Variants in HIVEP3 observed in about 807,000 individuals in gnomAD.
HIVEP3 encodes HIVEP zinc finger 3.
HIVEP3 carries 49 observed loss-of-function variants against 152.8 expected under a neutral mutation model. The observed-to-expected ratio is 0.32, with a 90% confidence interval of 0.26 to 0.41. The LOEUF is 0.41. Among genes scored for constraint, HIVEP3 ranks in the 10% least tolerant of loss-of-function variants. HIVEP3 has a pLI of 1.00. For missense variants in HIVEP3, 2,790 were observed against 3,103.3 expected (o/e 0.90, Z 2.40); for synonymous variants, 1,269 against 1,289.0 (o/e 0.98, Z 0.33).
chr1:41,680,567 G>A (rs1646023463), intron 2 of HIVEP3, among the ~76,000 whole-genome samples: 1 of 152,202 alleles, frequency 6.6e-6, no homozygotes, highest in Non-Finnish European at 1.5e-5. Context: ...TGTCTTTTAT[G>A]CTGGTGCTGG....
At chr1:41,813,371 C>A (rs756365249) in intron 1 of HIVEP3, among the ~76,000 whole-genome samples, 10 of 152,246 alleles carry the variant, frequency 6.6e-5, no homozygotes, top group Admixed American at 3.9e-4. Context: ...ACAGTCCTAT[C>A]ATGGCAGCTG....
At chr1:41,564,038 A>C (rs1644124642) in intron 5 of HIVEP3, among the ~76,000 whole-genome samples, 2 of 152,202 alleles carry the variant, frequency 1.3e-5, no homozygotes, top group Admixed American at 1.3e-4. Flanking sequence ...CTCAAAATAC[A>C]AAAAATTAGC....
At chr1:41,935,101 A>ATAT (rs1487468846) in intron 1 of HIVEP3, among the ~76,000 whole-genome samples, 2 of 152,214 alleles carry the variant, frequency 1.3e-5, no homozygotes, top group African/African-American at 2.4e-5. Context: ...ACTACTCCAT[A>ATAT]TATTATTATT....
intron 1 of HIVEP3, among the ~76,000 whole-genome samples, chr1:41,986,995 G>T (rs553270528): frequency 1.3e-5 from 2 of 152,190 alleles, no homozygotes; most frequent in East Asian, 3.9e-4. Context: ...TCTGTATACT[G>T]TACTATACTG....
At chr1:41,839,877 C>T (rs576494262) in intron 1 of HIVEP3, among the ~76,000 whole-genome samples, 1 of 152,324 alleles carries the variant, frequency 6.6e-6, no homozygotes, top group South Asian at 2.1e-4. Flanking sequence ...CCCTCCTTCT[C>T]TTATTTTATT....
At chr1:41,801,389 C>T (rs1650293527) in intron 1 of HIVEP3, among the ~76,000 whole-genome samples, 1 of 152,156 alleles carries the variant, frequency 6.6e-6, no homozygotes, top group African/African-American at 2.4e-5. Flanking sequence ...CTCCCTCCTG[C>T]ACCCAGCCCT....
intron 2 of HIVEP3, among the ~76,000 whole-genome samples, chr1:41,676,798 T>C (rs547169259): frequency 2.6e-4 from 40 of 152,200 alleles, no homozygotes; most frequent in African/African-American, 9.1e-4. Flanking sequence ...CCAAACACAA[T>C]CGCGCAGTGA....
intron 2 of HIVEP3, among the ~76,000 whole-genome samples, chr1:41,681,089 G>GGTGTGTGTGTGTGTGTGTGTGT (rs35572259): frequency 4.9e-4 from 73 of 148,344 alleles, no homozygotes; most frequent in Non-Finnish European, 9.7e-4. Context: ...GCTAAGAACT[G>GGTGTGTGTGTGTGTGTGTGTGT]GTGTGTGTGT....
At chr1:41,888,901 G>A (rs143820269) in intron 1 of HIVEP3, among the ~76,000 whole-genome samples, 120 of 97,832 alleles carry the variant, frequency 1.2e-3, no homozygotes, top group Middle Eastern at 9.6e-3. Context: ...CCCCACACAC[G>A]TACACCATAT....
chr1:41,545,623 T>TCAC (rs1373457889), intron 5 of HIVEP3, among the ~76,000 whole-genome samples: 2 of 25,092 alleles, frequency 8.0e-5, no homozygotes, highest in Non-Finnish European at 1.7e-4. Flanking sequence ...ACCACTACCA[T>TCAC]CACCACCACC....
chr1:41,516,213 C>A (rs1170161032), intron 7 of HIVEP3, among the ~76,000 whole-genome samples: 6 of 13,686 alleles, frequency 4.4e-4, no homozygotes, highest in Non-Finnish European at 2.8e-3. Context: ...TCCAGGCCAA[C>A]GCTCCACAAA....
intron 2 of HIVEP3, among the ~76,000 whole-genome samples, chr1:41,684,914 T>C (rs900501748): frequency 1.3e-5 from 2 of 152,348 alleles, no homozygotes; most frequent in South Asian, 4.1e-4. Flanking sequence ...TTCTGTCTGA[T>C]TCCAGAGCCT....
intron 1 of HIVEP3, among the ~76,000 whole-genome samples, chr1:41,903,615 A>G (rs1644661411): frequency 6.6e-6 from 1 of 152,230 alleles, no homozygotes; most frequent in Admixed American, 6.5e-5. Context: ...AAAGAAATCA[A>G]AAAGCATCTG....
At chr1:41,618,645 G>C (rs1476706977) in intron 3 of HIVEP3, among the ~76,000 whole-genome samples, 2 of 151,950 alleles carry the variant, frequency 1.3e-5, no homozygotes, top group Admixed American at 1.3e-4. Flanking sequence ...CTACTCACTT[G>C]TTCAAAGCCT....
intron 5 of HIVEP3, among the ~76,000 whole-genome samples, chr1:41,545,164 CCAT>C (rs1643717408): frequency 7.1e-6 from 1 of 139,888 alleles, no homozygotes; most frequent in South Asian, 2.4e-4. Flanking sequence ...ACCTCTACCA[CCAT>C]CGCTACCATT....
chr1:41,733,335 A>C (rs1316744768), intron 1 of HIVEP3, among the ~76,000 whole-genome samples: 2 of 152,212 alleles, frequency 1.3e-5, no homozygotes, highest in Non-Finnish European at 2.9e-5. Context: ...CCAGGTACCA[A>C]GTGGTAATTA....
intron 1 of HIVEP3, among the ~76,000 whole-genome samples, chr1:41,972,079 G>A (rs1232038603): frequency 1.3e-5 from 2 of 152,162 alleles, no homozygotes; most frequent in African/African-American, 4.8e-5. Flanking sequence ...CTACTCTCTA[G>A]TATTTTATTA....
chr1:41,849,816 G>A (rs1047903549), intron 1 of HIVEP3, among the ~76,000 whole-genome samples: 4 of 151,488 alleles, frequency 2.6e-5, no homozygotes, highest in East Asian at 1.9e-4. Context: ...TCACCCTCCC[G>A]AGTATCTGGG....
At chr1:41,564,725 A>G (rs1644134282) in intron 5 of HIVEP3, among the ~76,000 whole-genome samples, 1 of 152,274 alleles carries the variant, frequency 6.6e-6, no homozygotes, top group Non-Finnish European at 1.5e-5. Context: ...ATTTTCAGAT[A>G]TGTGAAGGAT....
Sources: allele counts gnomAD v4.1 joint callset (sites outside exome capture counted in the v4.1 genomes callset), GRCh38; gene constraint gnomAD v4.1.1; transcripts MANE v1.5; gene names NCBI Gene and HGNC (gene_info 2026-07-23, HGNC 2026-07-21).